Variants in MALRD1 observed in about 807,000 individuals in gnomAD.
The protein encoded by MALRD1 is MAM and LDL-receptor class A domain-containing protein 1.
Under a neutral mutation model 242.1 loss-of-function variants are expected in MALRD1, and 247 were observed. The ratio of observed to expected loss-of-function variants is 1.02; its 90% confidence interval spans 0.92 to 1.13. The LOEUF is 1.13. MALRD1 is among the 50% of genes most tolerant of loss of function. The probability of loss-of-function intolerance (pLI) is 0.00; values close to 1 mark genes in which losing one functional copy is unlikely to be tolerated. For synonymous variants in MALRD1, 995 were observed against 866.6 expected, an observed-to-expected ratio of 1.15 and a Z score of -2.60; for missense variants, 2,989 against 2,533.1, an observed-to-expected ratio of 1.18 and a Z score of -3.86.
chr10:19,613,130 C>G (rs996889388), intron 35 of MALRD1, among the ~76,000 whole-genome samples: 5 of 151,882 alleles, frequency 3.3e-5, no homozygotes, highest in Non-Finnish European at 5.9e-5. Context: ...TTATCAAAGA[C>G]AAGGAGCATA....
chr10:19,342,860 G>A (rs1385696547), intron 24 of MALRD1, among the ~76,000 whole-genome samples: 1 of 151,964 alleles, frequency 6.6e-6, no homozygotes, highest in Non-Finnish European at 1.5e-5. Flanking sequence ...GTCTTAAGTG[G>A]CAAGTCTTAG....
At chr10:19,247,846 G>A (rs563406706) in intron 18 of MALRD1, among the ~76,000 whole-genome samples, 7 of 151,990 alleles carry the variant, frequency 4.6e-5, no homozygotes, top group Admixed American at 6.6e-5. Context: ...CTTAACCGAC[G>A]TTAAATTTAA....
At chr10:19,222,162 T>C (rs903500674) in intron 18 of MALRD1, among the ~76,000 whole-genome samples, 3 of 151,882 alleles carry the variant, frequency 2.0e-5, no homozygotes, top group Non-Finnish European at 4.4e-5. Flanking sequence ...TCTTGTTCCC[T>C]CCCTCCCTCT....
At chr10:19,347,710 G>A in intron 24 of MALRD1, 61 bp from the exon 25 acceptor site, 1 of 1,520,912 alleles carries the variant, frequency 6.6e-7, no homozygotes. Flanking sequence ...GTTTTGAATT[G>A]CATGTTTTAA....
intron 36 of MALRD1, among the ~76,000 whole-genome samples, chr10:19,654,641 A>C (rs1841059183): frequency 6.6e-6 from 1 of 152,200 alleles, no homozygotes; most frequent in South Asian, 2.1e-4. Context: ...TTGAATCTAA[A>C]ATCCAATGTT....
At chr10:19,541,852 G>A (rs779849950) in intron 32 of MALRD1, among the ~76,000 whole-genome samples, 1 of 152,254 alleles carries the variant, frequency 6.6e-6, no homozygotes, top group Non-Finnish European at 1.5e-5. Context: ...AATGTGCTAT[G>A]TATCTTCCAT....
At chr10:19,430,111 C>CTTTTT (rs1156254998) in intron 28 of MALRD1, among the ~76,000 whole-genome samples, 846 of 83,458 alleles carry the variant, frequency 0.01, 116 homozygotes, top group African/African-American at 0.029. Flanking sequence ...CTCCATTTTC[C>CTTTTT]TTTTTTTTTT....
At chr10:19,667,889 A>T (rs901967582) in intron 36 of MALRD1, among the ~76,000 whole-genome samples, 7 of 152,094 alleles carry the variant, frequency 4.6e-5, no homozygotes, top group African/African-American at 1.7e-4. Context: ...ATGGTTCTGG[A>T]GGCTGAGAAG....
intron 21 of MALRD1, among the ~76,000 whole-genome samples, chr10:19,294,234 C>T (rs1270567812): frequency 1.3e-5 from 2 of 152,106 alleles, no homozygotes; most frequent in East Asian, 1.9e-4. Flanking sequence ...ATTGTACTTA[C>T]ATTCTAACTC....
At chr10:19,506,679 A>G (rs1447976672) in intron 31 of MALRD1, among the ~76,000 whole-genome samples, 2 of 152,138 alleles carry the variant, frequency 1.3e-5, no homozygotes, top group Admixed American at 6.5e-5. Flanking sequence ...TATTGGTTAG[A>G]TATGATAATA....
chr10:19,085,961 T>C (rs1235468705), intron 2 of MALRD1, among the ~76,000 whole-genome samples: 1 of 152,096 alleles, frequency 6.6e-6, no homozygotes, highest in African/African-American at 2.4e-5. Context: ...TATATGCATA[T>C]GGCTGATTAT....
intron 21 of MALRD1, among the ~76,000 whole-genome samples, chr10:19,306,072 A>G (rs559204470): frequency 8.3e-6 from 1 of 120,564 alleles, no homozygotes; most frequent in Non-Finnish European, 1.6e-5. Flanking sequence ...TATACTATAT[A>G]TACTATATAC....
At chr10:19,284,063 C>G (rs2131892126) in intron 21 of MALRD1, among the ~76,000 whole-genome samples, 1 of 152,266 alleles carries the variant, frequency 6.6e-6, no homozygotes. Flanking sequence ...GGGAAAGGCC[C>G]TGAGCCAGGA....
rs117095931 is a variant in MALRD1 at position 19,539,830 on chromosome 10, G to A, written c.5478+8479G>A. ...GCCTCCCTAATAGCTGGGACTACCA[G>A]CATGCGCCACCACACCCAGCTTTGT... is the stretch of plus-strand genomic sequence containing the variant. On this transcript the variant is annotated intron_variant, in intron 32 of 39. Transcript: ENST00000454679. Among the ~76,000 whole-genome samples the A allele has an allele frequency of 2.6e-3, 392 of 149,376 alleles. 8 individuals are homozygous for A. In the East Asian group the frequency reaches 0.057, roughly 22 times the overall value.
chr10:19,467,228 G>A (rs945596791), intron 29 of MALRD1, among the ~76,000 whole-genome samples: 10 of 48,638 alleles, frequency 2.1e-4, no homozygotes, highest in East Asian at 0.1. Flanking sequence ...GGTGGTGGGC[G>A]CCTGTAGTCT....
At chr10:19,573,942 A>G (rs1836679589) in intron 33 of MALRD1, among the ~76,000 whole-genome samples, 1 of 152,186 alleles carries the variant, frequency 6.6e-6, no homozygotes, top group Non-Finnish European at 1.5e-5. Context: ...ATTGAATTGA[A>G]AGAAAATAGA....
rs1480505619 is a variant in MALRD1 at position 19,284,542 on chromosome 10, G to A, written c.3419+1361G>A. On this transcript the variant is annotated intron_variant, in intron 21 of 39. Coordinates refer to ENST00000454679, the MANE Select transcript of MALRD1 (RefSeq NM_001142308.3). Reference sequence around the variant, plus strand: ...TTGCGATAGTTTACTGAGAATGATGGTTTCCAGTTTCATCCATGTCCCTAC... The same window carrying A: ...TTGCGATAGTTTACTGAGAATGATGATTTCCAGTTTCATCCATGTCCCTAC... Among the ~76,000 whole-genome samples, 45 of 150,600 alleles carry A rather than the reference G, an allele frequency of 3.0e-4. 1 individual carries two copies. In the East Asian group the frequency reaches 6.0e-3, roughly 20 times the overall value.
intron 32 of MALRD1, among the ~76,000 whole-genome samples, chr10:19,551,177 C>T (rs545968695): frequency 6.6e-6 from 1 of 152,050 alleles, no homozygotes; most frequent in Admixed American, 6.6e-5. Flanking sequence ...TTCCTATAAA[C>T]TTAAGTTCTT....
At chr10:19,634,699 T>C (rs1840050375) in intron 36 of MALRD1, among the ~76,000 whole-genome samples, 1 of 151,876 alleles carries the variant, frequency 6.6e-6, no homozygotes, top group African/African-American at 2.4e-5. Flanking sequence ...GCAAGCAGAG[T>C]GAACTAGACC....
Sources: gnomAD v4.1 joint callset for allele counts (sites outside exome capture counted in the v4.1 genomes callset) on GRCh38, gnomAD v4.1.1 for gene constraint, MANE v1.5 for transcripts, NCBI Gene and HGNC (gene_info 2026-07-23, HGNC 2026-07-21) for gene names.